NPC2: variants seen among roughly 807,000 people sequenced by gnomAD.
NPC2 encodes the protein NPC intracellular cholesterol transporter 2, also known as Niemann-Pick disease type C2 protein.
Under a neutral mutation model 17.0 loss-of-function variants are expected in NPC2, and 14 were observed. The observed-to-expected ratio is 0.82, with a 90% CI of 0.54 to 1.29. The LOEUF is 1.29. Ranked by LOEUF, NPC2 falls within the 50% of genes most tolerant of loss-of-function variation. The pLI is 0.00. For missense variants in NPC2, 167 were observed against 183.4 expected, an observed-to-expected ratio of 0.91 and a Z score of 0.52; for synonymous variants, 75 against 69.3, an observed-to-expected ratio of 1.08 and a Z score of -0.41.
At position 74,493,209 on chromosome 14, in the gene NPC2, C is replaced by A; in HGVS notation, c.66G>T (p.Val22=). The change falls in exon 1 of 5, where the codon GTG becomes GTT. Residue 22 remains valine (V), a synonymous_variant. Coordinates refer to ENST00000555619, the MANE Select transcript of NPC2 (RefSeq NM_006432.5). This position sits in a 1 kb window ranked among gnomAD's most constrained non-coding sequence, Gnocchi z 4.1. The part of the protein sequence containing the change: ...ALSTAAQAEP[V]QFKDCGSVDG... Reference sequence around the variant, plus strand: ...GGGGCTCACCGCAGTCCTTGAACTGCACCGGTTCGGCCTGGGCAGCGGTGC... The same window carrying A: ...GGGGCTCACCGCAGTCCTTGAACTGAACCGGTTCGGCCTGGGCAGCGGTGC... 6.2e-7 allele frequency: 1 copy of A among 1,611,712 alleles called. No individual in the cohort carries two copies. Among genetic ancestry groups the A allele is most frequent in the Non-Finnish European group, 8.5e-7 (1 of 1,179,286 alleles).
At position 74,486,336 on chromosome 14, in the gene NPC2, G is replaced by A. The variant is rs768296377; in HGVS notation, c.183C>T (p.Phe61=). Residue 61 remains phenylalanine (F), a synonymous_variant, in exon 2 of 5, where the codon TTC becomes TTT. Transcript: ENST00000555619. ...AGAGCCACTTTTACGCACTGCTGGT[G>A]AAGGTGACATTGACGCTGTAAGACT... is the stretch of plus-strand genomic sequence containing the variant. ...KGQSYSVNVT[F]TSNIQSKSSK... 6 of 1,595,112 alleles carry A rather than the reference G, an allele frequency of 3.8e-6. No individual in the cohort carries two copies. The South Asian group carries it at 5.7e-5, about 15-fold the overall frequency.
rs931939798 is a variant in NPC2 at position 74,493,142 on chromosome 14, G to A, written c.82+51C>T. 2 of 1,567,088 alleles carry A rather than the reference G, an allele frequency of 1.3e-6. No homozygotes were observed. Among genetic ancestry groups the A allele is most frequent in the East Asian group, 2.3e-5 (1 of 43,204 alleles). Reference sequence around the variant, plus strand: ...CCAGGGGTCTCAGCGCGGGGGTCCGGCGGGGCCTTCCACAGAGGGCGCGGG... The same window carrying A: ...CCAGGGGTCTCAGCGCGGGGGTCCGACGGGGCCTTCCACAGAGGGCGCGGG... On this transcript the variant is annotated intron_variant, in intron 1 of 4. Coordinates refer to ENST00000555619, the MANE Select transcript of NPC2 (RefSeq NM_006432.5). This position sits in a 1 kb window ranked among gnomAD's most constrained non-coding sequence, Gnocchi z 4.1.
At chr14:74,486,478 A>G (rs777936471) in intron 1 of NPC2, 42 bp from the exon 2 acceptor site, 2 of 1,519,290 alleles carry the variant, frequency 1.3e-6, no homozygotes, top group African/African-American at 1.4e-5. Context: ...ATAGGAGGAG[A>G]AATAAGCCAG....
At chr14:74,490,787 C>T (rs1288116878) in intron 1 of NPC2, among the ~76,000 whole-genome samples, 1 of 152,216 alleles carries the variant, frequency 6.6e-6, no homozygotes, top group African/African-American at 2.4e-5. Context: ...TTGATGTGGG[C>T]ACTGAAGTCT....
chr14:74,486,715 T>C (rs1396716929), intron 1 of NPC2, among the ~76,000 whole-genome samples: 1 of 152,190 alleles, frequency 6.6e-6, no homozygotes, highest in African/African-American at 2.4e-5. Flanking sequence ...CTAAATAATA[T>C]CAAGACCATA....
In NPC2 at chr14:74,480,724, C is replaced by A; in HGVS notation, c.419G>T (p.Cys140Phe). The change falls in exon 4 of 5, where the codon TGC (cysteine) becomes TTC (phenylalanine). Residue 140 changes from cysteine to phenylalanine, a missense_variant. Physicochemically the swap from Cys to Phe is radical, Grantham distance 205. Transcript: ENST00000555619. ...LQDDKNQSLFCWEIPVQIVSH... is the reference protein window; with the variant it reads ...LQDDKNQSLFFWEIPVQIVSH... ...TACGATCTGTACTGGGATTTCCCAG[C>A]AGAAGAGACTTTGGTTTTTGTCATC... 1 of 1,613,970 alleles carries A rather than the reference C, an allele frequency of 6.2e-7. No homozygotes were observed. The highest frequency in any genetic ancestry group is 8.5e-7 in the Non-Finnish European group (1 of 1,179,870).
intron 1 of NPC2, among the ~76,000 whole-genome samples, chr14:74,492,376 T>C (rs2086785341): frequency 6.6e-6 from 1 of 152,246 alleles, no homozygotes; most frequent in African/African-American, 2.4e-5. Flanking sequence ...TGCGTGACTT[T>C]AGGTAGGCTA....
Position 74,493,193 on chromosome 14 carries a change from C to A in NPC2, c.82G>T (p.Gly28Cys). 1 of 1,608,252 alleles carries A rather than the reference C, an allele frequency of 6.2e-7. No homozygotes were observed. The part of the protein sequence containing the change: ...QAEPVQFKDC[G>C]SVDGVIKEVN... ...AACCTTGGGCGGGCCTGGGGCTCAC[C>A]GCAGTCCTTGAACTGCACCGGTTCG... is the stretch of plus-strand genomic sequence containing the variant. Residue 28 changes from glycine (G) to cysteine (C), a missense_variant and splice_region_variant, in exon 1 of 5, where the codon GGT becomes TGT. Physicochemically the swap from Gly to Cys is radical, Grantham distance 159 (BLOSUM62 -3). Transcript: ENST00000555619. This position sits in a 1 kb window ranked among gnomAD's most constrained non-coding sequence, Gnocchi z 4.1.
rs1208707592 is a variant in NPC2 at position 74,487,263 on chromosome 14, G to GTTTTTTTT, written c.83-828_83-827insAAAAAAAA. Among the ~76,000 whole-genome samples, 54 of 134,978 alleles carry GTTTTTTTT rather than the reference G, an allele frequency of 4.0e-4. 6 individuals are homozygous for GTTTTTTTT. The highest frequency in any genetic ancestry group is 8.9e-4 in the African/African-American group (31 of 34,886). The allele number at this position is 134,978 out of a possible 152,430, so 88.6% of individuals were successfully genotyped here. On this transcript the variant is annotated intron_variant, in intron 1 of 4. Transcript: ENST00000555619. The stretch of plus-strand genomic sequence containing the variant: ...TGCACCCTCCCTGTTTTGTTTTTGT[G>GTTTTTTTT]GTTTTTTTTTGTTTTTTTTTTTTGA...
At chr14:74,492,468 A>T (rs1308933540) in intron 1 of NPC2, among the ~76,000 whole-genome samples, 1 of 152,172 alleles carries the variant, frequency 6.6e-6, no homozygotes, top group Non-Finnish European at 1.5e-5. Flanking sequence ...AGTCAGTTTC[A>T]TGCCTCTTTC....
intron 1 of NPC2, among the ~76,000 whole-genome samples, chr14:74,487,184 C>T (rs1236121288): frequency 6.6e-6 from 1 of 151,722 alleles, no homozygotes; most frequent in Non-Finnish European, 1.5e-5. Flanking sequence ...CTCCTGACCT[C>T]GTGGTCTGCC....
At position 74,493,111 on chromosome 14, in the gene NPC2, C is replaced by T. The variant is rs1159354748; in HGVS notation, c.82+82G>A. 2.6e-6 allele frequency: 4 copies of T among 1,521,590 alleles called. No homozygotes were observed. The highest frequency in any genetic ancestry group is 1.4e-5 in the African/African-American group (1 of 72,708). 94.3% of individuals were successfully genotyped at this position (1,521,590 alleles called of 1,614,324 possible). On this transcript the variant is annotated intron_variant, in intron 1 of 4. Coordinates refer to ENST00000555619, the MANE Select transcript of NPC2 (RefSeq NM_006432.5). The surrounding 1 kb of genome is among the most constrained non-coding windows in gnomAD (Gnocchi z 4.1). ...TGGCCGCCCGAGGGATCCGCCCAGCCCAGCCCCAGGGGTCTCAGCGCGGGG... is the reference window on the plus strand; with the variant it reads ...TGGCCGCCCGAGGGATCCGCCCAGCTCAGCCCCAGGGGTCTCAGCGCGGGG...
At chr14:74,490,621 T>C (rs886477395) in intron 1 of NPC2, among the ~76,000 whole-genome samples, 2 of 152,224 alleles carry the variant, frequency 1.3e-5, no homozygotes, top group Non-Finnish European at 2.9e-5. Flanking sequence ...CATCCAGTTT[T>C]CTGATGACAA....
chr14:74,483,226 T>TAAC (rs1461119385), intron 3 of NPC2: 1 of 903,668 alleles, frequency 1.1e-6, no homozygotes, highest in Non-Finnish European at 1.8e-6. Flanking sequence ...AGTCCACGTT[T>TAAC]GACTTACAGG....
At chr14:74,484,313 G>A in intron 3 of NPC2, 102 bp downstream of exon 3, 1 of 1,242,022 alleles carries the variant, frequency 8.1e-7, no homozygotes, top group South Asian at 1.2e-5. Flanking sequence ...TCATCATAGA[G>A]ATAAGGGGCC....
intron 3 of NPC2, among the ~76,000 whole-genome samples, chr14:74,481,612 G>A (rs918579912): frequency 1.3e-5 from 2 of 152,234 alleles, no homozygotes; most frequent in African/African-American, 4.8e-5. Flanking sequence ...ATAAGGAAAC[G>A]TTCTTGTTAG....
intron 3 of NPC2, chr14:74,483,182 T>C: frequency 1.2e-6 from 1 of 853,072 alleles, no homozygotes; most frequent in East Asian, 2.4e-5. Context: ...GATTTGTATA[T>C]GAAGAATGGC....
intron 1 of NPC2, among the ~76,000 whole-genome samples, chr14:74,492,062 C>T (rs1223499351): frequency 2.0e-4 from 31 of 152,092 alleles, no homozygotes. Context: ...GCAAATGACA[C>T]CACCCAGAGG....
chr14:74,486,513 A>AGAGCAGAGCACCTTCCCATT, intron 1 of NPC2, 77 bp from the exon 2 acceptor site: 4 of 1,155,210 alleles, frequency 3.5e-6, no homozygotes, highest in Non-Finnish European at 5.1e-6. Context: ...ACCTAATGGG[A>AGAGCAGAGCACCTTCCCATT]AGGTGCTCTG....
Sources: allele counts gnomAD v4.1 joint callset (sites outside exome capture counted in the v4.1 genomes callset), GRCh38; gene constraint gnomAD v4.1.1; non-coding constraint Gnocchi (gnomAD v3.1); transcripts MANE v1.5; gene names NCBI Gene and HGNC (gene_info 2026-07-23, HGNC 2026-07-21).